The following KLHL29 variants were observed in gnomAD, a reference collection of about 807,000 sequenced individuals.
The protein encoded by KLHL29 is kelch-like protein 29.
Under a neutral mutation model 80.4 loss-of-function variants are expected in KLHL29, and 21 were observed. The ratio of observed to expected loss-of-function variants is 0.26; its 90% CI spans 0.19 to 0.38. KLHL29 has a LOEUF of 0.38. Ranked by LOEUF, KLHL29 falls within the 10% of genes least tolerant of loss-of-function variation. KLHL29 has a pLI of 1.00. For missense variants in KLHL29, 867 were observed against 1,223.9 expected, an observed-to-expected ratio of 0.71 and a Z score of 4.35; for synonymous variants, 511 against 526.8, an observed-to-expected ratio of 0.97 and a Z score of 0.41.
intron 1 of KLHL29, among the ~76,000 whole-genome samples, chr2:23,436,408 T>G (rs1663344923): frequency 6.6e-6 from 1 of 151,836 alleles, no homozygotes; most frequent in Non-Finnish European, 1.5e-5. Context: ...CACATTTTTT[T>G]CTCCCTCAAA....
In KLHL29 at chr2:23,647,199, G is replaced by A. The variant is rs1048648813; in HGVS notation, c.940+4349G>A. On this transcript the variant is annotated intron_variant, in intron 5 of 13. Transcript: ENST00000486442. This position sits in a 1 kb window ranked among gnomAD's most constrained non-coding sequence, Gnocchi z 4.9. ...GGACTCAGGATGGCTCTCCCCAGGT[G>A]TGAGGCCTGGCACTGATCTCATCTC... 6.6e-6 allele frequency among the ~76,000 whole-genome samples: 1 copy of A among 152,162 alleles called. No individual in the cohort carries two copies. Among genetic ancestry groups the A allele is most frequent in the Non-Finnish European group, 1.5e-5 (1 of 68,034 alleles).
At chr2:23,451,269 A>T (rs868151108) in intron 1 of KLHL29, among the ~76,000 whole-genome samples, 6 of 152,138 alleles carry the variant, frequency 3.9e-5, no homozygotes, top group South Asian at 2.1e-4. Context: ...CCCTGGGTAA[A>T]TCCATGTAAA....
intron 5 of KLHL29, among the ~76,000 whole-genome samples, chr2:23,656,626 AC>A (rs1444575213): frequency 2.6e-5 from 4 of 152,230 alleles, no homozygotes; most frequent in African/African-American, 7.2e-5. Context: ...GTTCTTCCAG[AC>A]TGCACAGGTG....
intron 2 of KLHL29, among the ~76,000 whole-genome samples, chr2:23,501,882 C>T (rs987572018): frequency 6.6e-6 from 1 of 152,176 alleles, no homozygotes; most frequent in Non-Finnish European, 1.5e-5. Context: ...CCCTCGTGCC[C>T]CTTCCCAGGC....
At chr2:23,507,423 G>A (rs541727689) in intron 2 of KLHL29, among the ~76,000 whole-genome samples, 14 of 152,164 alleles carry the variant, frequency 9.2e-5, no homozygotes, top group Admixed American at 3.3e-4. Flanking sequence ...CCGGAGCAGC[G>A]TCACAGTGCA....
intron 2 of KLHL29, among the ~76,000 whole-genome samples, chr2:23,548,801 TA>T (rs1667050430): frequency 6.6e-6 from 1 of 152,226 alleles, no homozygotes; most frequent in Non-Finnish European, 1.5e-5. Context: ...CAACCATCAT[TA>T]TTTTTAAGCG....
At chr2:23,630,249 C>T (rs1156350477) in intron 3 of KLHL29, among the ~76,000 whole-genome samples, 3 of 152,244 alleles carry the variant, frequency 2.0e-5, no homozygotes, top group South Asian at 2.1e-4. Flanking sequence ...AAGGAGAGGC[C>T]GTGGCCGGTG....
intron 1 of KLHL29, among the ~76,000 whole-genome samples, chr2:23,464,158 C>T (rs987255358): frequency 6.6e-6 from 1 of 152,122 alleles, no homozygotes; most frequent in African/African-American, 2.4e-5. Context: ...GGAGGGTAGT[C>T]TGTTTTTGTT....
At chr2:23,639,796 A>G (rs1016241936) in intron 4 of KLHL29, among the ~76,000 whole-genome samples, 1 of 151,920 alleles carries the variant, frequency 6.6e-6, no homozygotes, top group Non-Finnish European at 1.5e-5. Context: ...TACACAGAAC[A>G]CCTCGATTTG....
chr2:23,701,791 T>G (rs1250614679), intron 11 of KLHL29, among the ~76,000 whole-genome samples: 2 of 43,056 alleles, frequency 4.6e-5, no homozygotes, highest in Non-Finnish European at 1.1e-4. Flanking sequence ...GGCTTTTTTT[T>G]GCTTTTTTTT....
At chr2:23,626,801 C>T (rs898970063) in intron 3 of KLHL29, among the ~76,000 whole-genome samples, 5 of 152,214 alleles carry the variant, frequency 3.3e-5, no homozygotes, top group Admixed American at 1.3e-4. Context: ...CCACACAGCA[C>T]GTGCAGACAG....
At chr2:23,449,342 A>G (rs1663799502) in intron 1 of KLHL29, among the ~76,000 whole-genome samples, 1 of 152,202 alleles carries the variant, frequency 6.6e-6, no homozygotes, top group African/African-American at 2.4e-5. Context: ...TGATCTAACA[A>G]TGCTGCCTAA....
chr2:23,511,371 G>A (rs1665767608), intron 2 of KLHL29, among the ~76,000 whole-genome samples: 1 of 152,212 alleles, frequency 6.6e-6, no homozygotes, highest in Non-Finnish European at 1.5e-5. Flanking sequence ...ATCAGAGAAA[G>A]TGTCATGCAG....
chr2:23,541,227 G>A (rs537671892), intron 2 of KLHL29, among the ~76,000 whole-genome samples: 12 of 152,356 alleles, frequency 7.9e-5, no homozygotes, highest in Admixed American at 1.3e-4. Context: ...GTGTGTTAAC[G>A]GAGGGAGACG....
chr2:23,578,283 A>G (rs1667892914), intron 3 of KLHL29, among the ~76,000 whole-genome samples: 1 of 152,224 alleles, frequency 6.6e-6, no homozygotes, highest in South Asian at 2.1e-4. Flanking sequence ...TGGCCTGCAC[A>G]GCGATGGGAT....
At position 23,457,681 on chromosome 2, in the gene KLHL29, C is replaced by G. The variant is rs543475808; in HGVS notation, c.-153-17879C>G. ...AGGTCCCTGCAGTCAGATGAAAGGT[C>G]CCCTCCTTGCCTGGCAAGACCTATT... On this transcript the variant is annotated intron_variant, in intron 1 of 13. Coordinates refer to ENST00000486442, the MANE Select transcript of KLHL29 (RefSeq NM_052920.2). This position sits in a 1 kb window ranked among gnomAD's most constrained non-coding sequence, Gnocchi z 4.3. 2.0e-5 allele frequency among the ~76,000 whole-genome samples: 3 copies of G among 152,290 alleles called. No homozygotes were observed. In the South Asian group the frequency reaches 6.2e-4, roughly 32 times the overall value.
chr2:23,415,745 C>T (rs1666968947), intron 1 of KLHL29, among the ~76,000 whole-genome samples: 1 of 151,932 alleles, frequency 6.6e-6, no homozygotes, highest in Admixed American at 6.6e-5. Flanking sequence ...GTTGCCCAGG[C>T]TAAAATGCAG....
chr2:23,559,140 CA>C (rs1390925692), intron 2 of KLHL29, among the ~76,000 whole-genome samples: 1 of 152,054 alleles, frequency 6.6e-6, no homozygotes, highest in African/African-American at 2.4e-5. Flanking sequence ...CCATTCCTGG[CA>C]AAAGAGCAGC....
chr2:23,600,704 G>A (rs767968211), intron 3 of KLHL29, among the ~76,000 whole-genome samples: 30 of 152,186 alleles, frequency 2.0e-4, no homozygotes, highest in Non-Finnish European at 2.8e-4. Context: ...GGGAGACTAT[G>A]CCAGAAGGAA....
Sources: gnomAD v4.1 joint callset for allele counts (sites outside exome capture counted in the v4.1 genomes callset) on GRCh38, gnomAD v4.1.1 for gene constraint, Gnocchi (gnomAD v3.1) non-coding constraint, MANE v1.5 for transcripts, NCBI Gene and HGNC (gene_info 2026-07-23, HGNC 2026-07-21) for gene names.